The following MTCL1 variants were observed in gnomAD, a reference collection of about 807,000 sequenced individuals.
MTCL1 encodes the protein microtubule crosslinking factor 1, also known as microtubule cross-linking factor 1.
In MTCL1, 79 loss-of-function variants were observed where a neutral mutation model predicts 141.4. The observed-to-expected ratio is 0.56, with a 90% CI of 0.47 to 0.67. The LOEUF is 0.67. MTCL1 is among the 30% of genes least tolerant of loss of function. MTCL1 has a pLI of 0.00. For missense variants in MTCL1, 2,177 were observed against 2,113.9 expected (o/e 1.03, Z -0.59); for synonymous variants, 914 against 875.8 (o/e 1.04, Z -0.77).
rs923718876 is a variant in MTCL1, at chr18:8,826,132, A to G, written c.4622A>G (p.His1541Arg). Residue 1541 changes from histidine to arginine, a missense_variant, in exon 15 of 17, where the codon CAT becomes CGT. By Grantham distance (29) the His-to-Arg change is conservative. Coordinates refer to ENST00000359865, the Ensembl canonical transcript of MTCL1. ...ATCCTCAACAAGAAGCTGCTGGAAC[A>G]TGCCTTAAAGGAGGAGAGGAGGCAG... The G allele has an allele frequency of 5.0e-6, 8 of 1,613,336 alleles. No individual in the cohort carries two copies. In the Admixed American group the frequency reaches 6.7e-5, roughly 13 times the overall value.
chr18:8,721,911 G>A (rs1360170426), intron 4 of MTCL1, among the ~76,000 whole-genome samples: 1 of 152,196 alleles, frequency 6.6e-6, no homozygotes, highest in African/African-American at 2.4e-5. Context: ...GGGTGGAGGA[G>A]TGAATGAAGG....
In MTCL1 at chr18:8,825,942, G is replaced by C. The variant is rs2077009657; in HGVS notation, c.4432G>C (p.Glu1478Gln). 4 of 1,603,086 alleles carry C rather than the reference G, an allele frequency of 2.5e-6. No homozygotes were observed. The South Asian group carries it at 3.4e-5, about 13-fold the overall frequency. The change falls in exon 15 of 17, where the codon GAG (glutamate) becomes CAG (glutamine). Residue 1478 changes from glutamate (E) to glutamine (Q), a missense_variant. Physicochemically the swap from Glu to Gln is conservative, Grantham distance 29. Coordinates refer to ENST00000359865, the Ensembl canonical transcript of MTCL1. Reference sequence around the variant, plus strand: ...GTCTCGCTCAGCAGAGCCCCGACCAGAGCTGGGCCCAGGCCAGGAAACAGG... The same window carrying C: ...GTCTCGCTCAGCAGAGCCCCGACCACAGCTGGGCCCAGGCCAGGAAACAGG...
rs543840883 is a variant in MTCL1 at position 8,797,139 on chromosome 18, C to A, written c.2241+677C>A. ...TCCTTTGCTGCTCATTTATAAAATT[C>A]ATTGACGTTATCACCCTGAGGTCCT... On this transcript the variant is annotated intron_variant, in intron 9 of 16. Coordinates refer to ENST00000359865, the Ensembl canonical transcript of MTCL1. Among the ~76,000 whole-genome samples, 3 of 152,332 alleles carry A rather than the reference C, an allele frequency of 2.0e-5. No homozygotes were observed. In the South Asian group the frequency reaches 6.2e-4, roughly 32 times the overall value.
At chr18:8,752,584 G>A (rs1426783236) in intron 4 of MTCL1, among the ~76,000 whole-genome samples, 3 of 152,150 alleles carry the variant, frequency 2.0e-5, no homozygotes, top group African/African-American at 7.2e-5. Context: ...GTATGCTACA[G>A]ACCCACAGAG....
At chr18:8,789,433 C>T (rs1023424961) in intron 7 of MTCL1, 17 of 985,410 alleles carry the variant, frequency 1.7e-5, no homozygotes, top group Non-Finnish European at 1.8e-5. Flanking sequence ...AAAAGCCTTC[C>T]TTTTCTGTTT....
intron 4 of MTCL1, among the ~76,000 whole-genome samples, chr18:8,731,345 G>A (rs2096249589): frequency 1.3e-5 from 2 of 151,938 alleles, no homozygotes; most frequent in South Asian, 4.2e-4. Context: ...AGGCCGAGGC[G>A]GGCAGATCAC....
chr18:8,795,922 C>T (rs1199004820), intron 8 of MTCL1, among the ~76,000 whole-genome samples: 3 of 152,200 alleles, frequency 2.0e-5, no homozygotes, highest in Admixed American at 6.5e-5. Context: ...TGGTAAGCCG[C>T]ACTTCCAAGA....
upstream of MTCL1, among the ~76,000 whole-genome samples, chr18:8,715,444 C>T (rs1389606604): frequency 6.6e-6 from 1 of 152,178 alleles, no homozygotes; most frequent in Non-Finnish European, 1.5e-5. Flanking sequence ...ACCATTCTTT[C>T]CATGAACAGA....
chr18:8,748,580 GCACACA>G (rs567104804), intron 4 of MTCL1, among the ~76,000 whole-genome samples: 2 of 150,942 alleles, frequency 1.3e-5, no homozygotes, highest in Admixed American at 1.3e-4. Flanking sequence ...ATATATATAT[GCACACA>G]CACACACATA....
At chr18:8,709,569 ACT>A (rs908875995) in intron 1 of MTCL1, among the ~76,000 whole-genome samples, 3 of 152,042 alleles carry the variant, frequency 2.0e-5, no homozygotes, top group African/African-American at 7.2e-5. Context: ...CACAGAACTA[ACT>A]CTCAGGATTA....
chr18:8,794,121 C>T (rs1214193522), intron 8 of MTCL1, among the ~76,000 whole-genome samples: 17 of 152,188 alleles, frequency 1.1e-4, no homozygotes, highest in Admixed American at 1.1e-3. Flanking sequence ...ATCTTATTAT[C>T]AGAGGAAAAT....
chr18:8,754,557 G>C, intron 4 of MTCL1, among the ~76,000 whole-genome samples: 1 of 152,144 alleles, frequency 6.6e-6, no homozygotes, highest in Middle Eastern at 3.2e-3. Context: ...CAAGTGCCTG[G>C]TAATGAGATA....
intron 4 of MTCL1, among the ~76,000 whole-genome samples, chr18:8,747,032 G>A (rs867266458): frequency 1.2e-4 from 18 of 152,120 alleles, no homozygotes; most frequent in African/African-American, 3.6e-4. Flanking sequence ...GTATCGCGAC[G>A]ATGCTCACCC....
chr18:8,779,781 T>C lies in MTCL1; in HGVS notation c.417+1889T>C, dbSNP rs2096526653. Among the ~76,000 whole-genome samples the C allele has an allele frequency of 6.6e-6, 1 of 152,238 alleles. No homozygotes were observed. Among genetic ancestry groups the C allele is most frequent in the Admixed American group, 6.5e-5 (1 of 15,288 alleles). ...AAGTAGAAATGACAGCATGCTGTCA[T>C]GCTGACAGCTTTTTTCTTTAAGGAA... is the stretch of plus-strand genomic sequence containing the variant. On this transcript the variant is annotated intron_variant, in intron 5 of 16. Transcript: ENST00000359865. This position sits in a 1 kb window ranked among gnomAD's most constrained non-coding sequence, Gnocchi z 4.1.
At position 8,793,060 on chromosome 18, in the gene MTCL1, C is replaced by A; in HGVS notation, c.1950C>A (p.Leu650=). The change falls in exon 8 of 17, where the codon CTC becomes CTA. Residue 650 remains leucine (L), a synonymous_variant. Transcript: ENST00000359865. ...CCATAGAGGAGCTACAGGGTCAGCT[C>A]GTGCAGGCGGCCAGACTGCATCAAG... The A allele has an allele frequency of 2.5e-6, 4 of 1,614,142 alleles. No individual in the cohort carries two copies. In the South Asian group the frequency reaches 4.4e-5, roughly 18 times the overall value.
In MTCL1 at chr18:8,830,927, G is replaced by A; in HGVS notation, c.*19-680G>A. 1 of 985,468 alleles carries A rather than the reference G, an allele frequency of 1.0e-6. No homozygotes were observed. The highest frequency in any genetic ancestry group is 1.1e-4 in the East Asian group (1 of 8,834). 61.0% of individuals were successfully genotyped at this position (985,468 alleles called of 1,614,324 possible). A position where few individuals can be genotyped will look rare whatever the true frequency, so the allele number is the denominator to read the frequency against. The stretch of plus-strand genomic sequence containing the variant: ...TCACCTGCTCGCAGAACATTAGGAT[G>A]CCTGAAACACAAAACCACCAGTACA... On this transcript the variant is annotated intron_variant, in intron 16 of 16. Coordinates refer to ENST00000359865, the Ensembl canonical transcript of MTCL1. This position sits in a 1 kb window ranked among gnomAD's most constrained non-coding sequence, Gnocchi z 6.4.
At chr18:8,705,641 T>C (rs962810160), upstream of MTCL1, 120 of 1,211,186 alleles carry the variant, frequency 9.9e-5, no homozygotes, top group Non-Finnish European at 1.2e-4. This position sits in a 1 kb window ranked among gnomAD's most constrained non-coding sequence, Gnocchi z 5.2. Flanking sequence ...CTGCCTGAGC[T>C]GCTGCCGGCG....
At chr18:8,808,017 A>AAC (rs2076359411) in intron 11 of MTCL1, among the ~76,000 whole-genome samples, 2 of 152,084 alleles carry the variant, frequency 1.3e-5, no homozygotes, top group South Asian at 4.2e-4. Flanking sequence ...AAAAAAAAAA[A>AAC]AAAAAACTCC....
intron 4 of MTCL1, among the ~76,000 whole-genome samples, chr18:8,730,902 A>G (rs980631200): frequency 6.6e-6 from 1 of 152,186 alleles, no homozygotes; most frequent in Non-Finnish European, 1.5e-5. Context: ...ACACGTTAGA[A>G]TGGAACCTCT....
Sources: gnomAD v4.1 joint callset for allele counts (sites outside exome capture counted in the v4.1 genomes callset) on GRCh38, gnomAD v4.1.1 for gene constraint, Gnocchi (gnomAD v3.1) non-coding constraint, MANE v1.5 for transcripts, NCBI Gene and HGNC (gene_info 2026-07-23, HGNC 2026-07-21) for gene names.